Variants in RERE observed in about 807,000 individuals in gnomAD.
The protein encoded by RERE is arginine-glutamic acid dipeptide repeats protein.
RERE carries 40 observed loss-of-function variants against 146.1 expected under a neutral mutation model. The observed-to-expected ratio is 0.27, with a 90% CI of 0.21 to 0.36. The LOEUF is 0.36. Among genes scored for constraint, RERE ranks in the 10% least tolerant of loss-of-function variants. RERE has a pLI of 1.00. For missense variants in RERE, 1,933 were observed against 2,138.7 expected (o/e 0.90, Z 1.90); for synonymous variants, 1,003 against 866.0 (o/e 1.16, Z -2.78).
intron 4 of RERE, among the ~76,000 whole-genome samples, chr1:8,601,626 C>CCACACACACACA (rs3082094): frequency 0.02 from 1,945 of 94,942 alleles, 167 homozygotes; most frequent in African/African-American, 0.027. Context: ...TCCAAGGTCA[C>CCACACACACACA]CACACACACA....
At chr1:8,530,679 C>CTTTTTGTTTTTTTTTTTT (rs1645632994) in intron 7 of RERE, among the ~76,000 whole-genome samples, 1 of 96,950 alleles carries the variant, frequency 1.0e-5, no homozygotes, top group African/African-American at 4.0e-5. Context: ...TTTTCGTTTT[C>CTTTTTGTTTTTTTTTTTT]TTTTTTTTTT....
intron 4 of RERE, among the ~76,000 whole-genome samples, chr1:8,601,672 A>AC (rs1557427320): frequency 3.0e-5 from 4 of 132,308 alleles, no homozygotes; most frequent in Non-Finnish European, 6.5e-5. Flanking sequence ...ACACACACAC[A>AC]TCTTCCTTCC....
chr1:8,430,837 C>T (rs2124481908), intron 11 of RERE, among the ~76,000 whole-genome samples: 1 of 152,298 alleles, frequency 6.6e-6, no homozygotes, highest in East Asian at 1.9e-4. Context: ...AATTAAATCT[C>T]CTGGCCCATC....
At chr1:8,478,816 C>A (rs1644794310) in intron 10 of RERE, among the ~76,000 whole-genome samples, 1 of 152,210 alleles carries the variant, frequency 6.6e-6, no homozygotes, top group Admixed American at 6.5e-5. Context: ...CCTACTCTAT[C>A]AGGCCCAGGC....
intron 1 of RERE, among the ~76,000 whole-genome samples, chr1:8,708,904 A>AGTT (rs1639609779): frequency 3.8e-5 from 4 of 104,014 alleles, no homozygotes; most frequent in African/African-American, 1.5e-4. Flanking sequence ...AAAACTCTGG[A>AGTT]GTTTTTTTTT....
At chr1:8,403,135 G>T (rs1240190977) in intron 12 of RERE, among the ~76,000 whole-genome samples, 1 of 152,044 alleles carries the variant, frequency 6.6e-6, no homozygotes, top group Admixed American at 6.6e-5. Flanking sequence ...CTGACCCCGT[G>T]ATCTGCCCAT....
chr1:8,361,901 G>A, intron 16 of RERE, 25 bp from the exon 17 acceptor site: 1 of 1,544,800 alleles, frequency 6.5e-7, no homozygotes, highest in Non-Finnish European at 9.0e-7. Context: ...CCCACAAGGA[G>A]CAATCAGGCC....
intron 1 of RERE, among the ~76,000 whole-genome samples, chr1:8,709,086 T>G: frequency 6.6e-6 from 1 of 151,440 alleles, no homozygotes; most frequent in East Asian, 1.9e-4. Flanking sequence ...CTAATTTATT[T>G]TTTTTGTATT....
chr1:8,392,221 C>G (rs1326579080), intron 12 of RERE, among the ~76,000 whole-genome samples: 1 of 152,116 alleles, frequency 6.6e-6, no homozygotes, highest in Non-Finnish European at 1.5e-5. Flanking sequence ...CATGTACATG[C>G]TCAAGAGGTT....
At chr1:8,612,102 C>G (rs541623086) in intron 4 of RERE, among the ~76,000 whole-genome samples, 1 of 152,252 alleles carries the variant, frequency 6.6e-6, no homozygotes, top group East Asian at 1.9e-4. Flanking sequence ...TCACATATAC[C>G]TGAATATGCA....
rs866119227 is a variant in RERE, at chr1:8,400,779, G to A, written c.1284+21948C>T. Among the ~76,000 whole-genome samples the A allele has an allele frequency of 7.2e-4, 103 of 143,138 alleles. 1 individual carries two copies. The highest frequency in any genetic ancestry group is 8.9e-4 in the African/African-American group (34 of 38,038). The allele number at this position is 143,138 out of a possible 152,430, so 93.9% of individuals were successfully genotyped here. A position where few individuals can be genotyped will look rare whatever the true frequency, so the allele number is the denominator to read the frequency against. On this transcript the variant is annotated intron_variant, in intron 12 of 22. Coordinates refer to ENST00000400908, the MANE Select transcript of RERE (RefSeq NM_001042681.2). ...AGAACTTTGGGAGGCTGAGGCAAGA[G>A]GATCACTTGAGTCCAGGAGTTAAAG... is the stretch of plus-strand genomic sequence containing the variant.
At chr1:8,477,252 G>C (rs1644768592) in intron 10 of RERE, among the ~76,000 whole-genome samples, 1 of 152,170 alleles carries the variant, frequency 6.6e-6, no homozygotes, top group Non-Finnish European at 1.5e-5. Context: ...CGGGGCAGGA[G>C]GACTCCACAG....
intron 12 of RERE, among the ~76,000 whole-genome samples, chr1:8,395,494 T>G (rs1359583993): frequency 2.7e-4 from 40 of 146,246 alleles, no homozygotes; most frequent in Non-Finnish European, 4.8e-4. Context: ...AAAAAAAGAA[T>G]GAACAATTTC....
intron 1 of RERE, among the ~76,000 whole-genome samples, chr1:8,754,466 T>C (rs1640597203): frequency 6.6e-6 from 1 of 152,232 alleles, no homozygotes; most frequent in Admixed American, 6.5e-5. Context: ...ATTTTCAAGA[T>C]ATTTGTTCTT....
chr1:8,556,267 AAGAG>A (rs1329716009), intron 6 of RERE, among the ~76,000 whole-genome samples: 5 of 152,156 alleles, frequency 3.3e-5, no homozygotes, highest in East Asian at 1.9e-4. Flanking sequence ...AAAAAAAAAA[AAGAG>A]AGAGAGAAGT....
At chr1:8,388,126 C>CA (rs1420865039) in intron 12 of RERE, among the ~76,000 whole-genome samples, 8 of 152,144 alleles carry the variant, frequency 5.3e-5, no homozygotes, top group African/African-American at 1.9e-4. Context: ...AGGTGCAGGA[C>CA]ATTTTTCCTC....
intron 4 of RERE, among the ~76,000 whole-genome samples, chr1:8,612,923 G>A (rs1646809774): frequency 6.6e-6 from 1 of 152,216 alleles, no homozygotes; most frequent in Admixed American, 6.5e-5. Flanking sequence ...CTGTAAGACA[G>A]AGAATTCCAA....
intron 1 of RERE, among the ~76,000 whole-genome samples, chr1:8,731,425 C>T (rs1640079525): frequency 1.3e-5 from 2 of 152,188 alleles, no homozygotes; most frequent in South Asian, 4.1e-4. Flanking sequence ...AATTACTCAA[C>T]TCCCTCTTGC....
chr1:8,817,633 G>A lies in RERE; in HGVS notation c.-618C>T, dbSNP rs1454832964. On this transcript the variant is annotated 5_prime_UTR_variant, in exon 1 of 23. Transcript: ENST00000400908. ...CTCCGGAGCGCGGAGGGTTGCTCGC[G>A]AGCGTCTGTGGGAACAGCGGCACCT... 1 of 151,164 alleles carries A rather than the reference G, an allele frequency of 6.6e-6. No individual in the cohort carries two copies. The highest frequency in any genetic ancestry group is 6.6e-5 in the Admixed American group (1 of 15,234). The allele number at this position is 151,164 out of a possible 1,614,324, so 9.4% of individuals were successfully genotyped here.
Sources: gnomAD v4.1 joint callset for allele counts (sites outside exome capture counted in the v4.1 genomes callset) on GRCh38, gnomAD v4.1.1 for gene constraint, MANE v1.5 for transcripts, NCBI Gene and HGNC (gene_info 2026-07-23, HGNC 2026-07-21) for gene names.